OR8U3: variants seen among roughly 807,000 people sequenced by gnomAD.
The protein encoded by OR8U3 is olfactory receptor family 8 subfamily U member 3.
For missense variants in OR8U3, 429 were observed against 388.6 expected (o/e 1.10, Z -0.88); for synonymous variants, 170 against 147.0 (o/e 1.16, Z -1.13).
rs778998953 is a variant in OR8U3 at position 56,417,936 on chromosome 11, G to T, written c.297C>A (p.Thr99=). 5 of 1,613,806 alleles carry T rather than the reference G, an allele frequency of 3.1e-6. No homozygotes were observed. The highest frequency in any genetic ancestry group is 3.4e-6 in the Non-Finnish European group (4 of 1,179,840). Residue 99 remains threonine, a synonymous_variant, in exon 1 of 1, where the codon ACC becomes ACA. Transcript: ENST00000623286. ...RNTIPFHACA[T]QLGCFLTFMI... is the part of the protein sequence containing the mutation. ...TGAAGGTGAGAAAACAACCCAGTTGGGTTGCACAAGCATGGAAAGGAATGG... is the reference window on the plus strand; with the variant it reads ...TGAAGGTGAGAAAACAACCCAGTTGTGTTGCACAAGCATGGAAAGGAATGG...
Position 56,418,016 on chromosome 11 carries a change from A to G in OR8U3, c.217T>C (p.Tyr73His). 6.2e-7 allele frequency: 1 copy of G among 1,613,884 alleles called. No homozygotes were observed. Among genetic ancestry groups the G allele is most frequent in the East Asian group, 2.2e-5 (1 of 44,862 alleles). Residue 73 changes from tyrosine (Y) to histidine (H), a missense_variant, in exon 1 of 1, where the codon TAC becomes CAC. Physicochemically the swap from Tyr to His is moderately conservative, Grantham distance 83. Transcript: ENST00000623286. ...LSHLAFVDLC[Y>H]SSAITPKMMV... ...ATCTTCGGTGTAATAGCAGAGGAGT[A>G]ACAAAGGTCAACAAAGGCCAGGTGG...
At position 56,417,766 on chromosome 11, in the gene OR8U3, G is replaced by C. The variant is rs1352032997; in HGVS notation, c.467C>G (p.Ala156Gly). ...AVPYIYSFLVALFHTVITFRL... is the reference protein window; with the variant it reads ...AVPYIYSFLVGLFHTVITFRL... The stretch of plus-strand genomic sequence containing the variant: ...GAAAGTGATAACGGTGTGGAAGAGG[G>C]CAACCAGGAAGCTGTATATATATGG... The change falls in exon 1 of 1, where the codon GCC (alanine) becomes GGC (glycine). Residue 156 changes from alanine to glycine, a missense_variant. Ala to Gly is a moderately conservative substitution (Grantham distance 60). Transcript: ENST00000623286. 5.0e-6 allele frequency: 8 copies of C among 1,614,042 alleles called. No homozygotes were observed. The highest frequency in any genetic ancestry group is 5.9e-6 in the Non-Finnish European group (7 of 1,179,944).
At position 56,417,528 on chromosome 11, in the gene OR8U3, G is replaced by C. The variant is rs1023655574; in HGVS notation, c.705C>G (p.His235Gln). The change falls in exon 1 of 1, where the codon CAC (histidine) becomes CAG (glutamine). Residue 235 changes from histidine (H) to glutamine (Q), a missense_variant. By Grantham distance (24) the His-to-Gln change is conservative. Transcript: ENST00000623286. ...GGGAGCCACAGGTGGAAATGGCTTT[G>C]TGTTGCCCCTGAGTAGAGCGGATCC... ...ILRIRSTQGQHKAISTCGSHM... is the reference protein window; with the variant it reads ...ILRIRSTQGQQKAISTCGSHM... 1.9e-5 allele frequency: 30 copies of C among 1,613,878 alleles called. No individual in the cohort carries two copies. The highest frequency in any genetic ancestry group is 2.5e-5 in the Non-Finnish European group (30 of 1,179,938).
At position 56,417,413 on chromosome 11, in the gene OR8U3, C is replaced by G; in HGVS notation, c.820G>C (p.Ala274Pro). 1 of 1,613,224 alleles carries G rather than the reference C, an allele frequency of 6.2e-7. No homozygotes were observed. Among genetic ancestry groups the G allele is most frequent in the Non-Finnish European group, 8.5e-7 (1 of 1,179,236 alleles). The change falls in exon 1 of 1, where the codon GCT becomes CCT. Residue 274 changes from alanine to proline, a missense_variant. Coordinates refer to ENST00000623286, the MANE Select transcript of OR8U3 (RefSeq NM_001004744.1). ...ATCACCACTGTGTAAAATACAGAAG[C>G]CATCTTGTCTGTGTCCAAGGAGTGA... ...SNHSLDTDKM[A>P]SVFYTVVIPM... is the part of the protein sequence containing the mutation.
rs760411701 is a variant in OR8U3, at chr11:56,417,351, G to A, written c.882C>T (p.Asn294=). Residue 294 remains asparagine (N), a synonymous_variant, in exon 1 of 1, where the codon AAC becomes AAT. Coordinates refer to ENST00000623286, the MANE Select transcript of OR8U3 (RefSeq NM_001004744.1). ...MLNPLIYSLR[N]KEVKDASKKA... is the part of the protein sequence containing the mutation. ...TCTTTGAGGCATCTTTCACTTCTTT[G>A]TTCCTTAGACTATAGATTAGGGGGT... The A allele has an allele frequency of 1.9e-6, 3 of 1,609,672 alleles. No individual in the cohort carries two copies. The Admixed American group carries it at 5.0e-5, about 27-fold the overall frequency.
rs754796999 is a variant in OR8U3, at chr11:56,417,699, A to C, written c.534T>G (p.Tyr178Ter). Residue 178 changes from tyrosine (Y) to a stop codon, truncating the protein, a stop_gained, in exon 1 of 1, where the codon TAT (tyrosine) becomes TAG (stop). Transcript: ENST00000623286. LOFTEE classifies it low-confidence loss of function (END_TRUNC). ...YCGPNLINHF[Y>*]CDDLPFLALS... ...GAGCTAAGAAGGGGAGGTCATCACA[A>C]TAGAAATGGTTAATTAAGTTTGGGC... 3 of 1,613,776 alleles carry C rather than the reference A, an allele frequency of 1.9e-6. No homozygotes were observed. The highest frequency in any genetic ancestry group is 4.5e-5 in the East Asian group (2 of 44,892).
Position 56,417,411 on chromosome 11 carries a change from A to G in OR8U3, c.822T>C (p.Ala274=), listed in dbSNP as rs1257306927. The G allele has an allele frequency of 1.2e-6, 2 of 1,613,386 alleles. No individual in the cohort carries two copies. The highest frequency in any genetic ancestry group is 1.7e-5 in the Admixed American group (1 of 59,994). The change falls in exon 1 of 1, where the codon GCT becomes GCC. Residue 274 remains alanine (A), a synonymous_variant. Coordinates refer to ENST00000623286, the MANE Select transcript of OR8U3 (RefSeq NM_001004744.1). ...GGATCACCACTGTGTAAAATACAGA[A>G]GCCATCTTGTCTGTGTCCAAGGAGT... The part of the protein sequence containing the change: ...SNHSLDTDKM[A]SVFYTVVIPM...
In OR8U3 at chr11:56,418,110, G is replaced by A. The variant is rs568499294; in HGVS notation, c.123C>T (p.Gly41=). 1 of 1,613,856 alleles carries A rather than the reference G, an allele frequency of 6.2e-7. No individual in the cohort carries two copies. The highest frequency in any genetic ancestry group is 1.1e-5 in the South Asian group (1 of 91,068). Residue 41 remains glycine (G), a synonymous_variant, in exon 1 of 1, where the codon GGC becomes GGT. Coordinates refer to ENST00000623286, the MANE Select transcript of OR8U3 (RefSeq NM_001004744.1). ...FLVIYLVTVL[G]NLGLITLIKI... Reference sequence around the variant, plus strand: ...TGATTAAAGTAATCAACCCAAGATTGCCCAGCACTGTGACCAGATAGATAA... The same window carrying A: ...TGATTAAAGTAATCAACCCAAGATTACCCAGCACTGTGACCAGATAGATAA...
rs780520783 is a variant in OR8U3, at chr11:56,417,535, C to T, written c.698G>A (p.Gly233Glu). The T allele has an allele frequency of 1.2e-5, 19 of 1,613,868 alleles. No homozygotes were observed. The highest frequency in any genetic ancestry group is 3.3e-5 in the South Asian group (3 of 91,076). The change falls in exon 1 of 1, where the codon GGG becomes GAG. Residue 233 changes from glycine (G) to glutamate (E), a missense_variant. Gly to Glu is a moderately conservative substitution (Grantham distance 98). Coordinates refer to ENST00000623286, the MANE Select transcript of OR8U3 (RefSeq NM_001004744.1). ...ACAGGTGGAAATGGCTTTGTGTTGC[C>T]CCTGAGTAGAGCGGATCCTTAGGAT... Reference protein sequence around the residue: ...AAILRIRSTQGQHKAISTCGS... With the variant: ...AAILRIRSTQEQHKAISTCGS...
rs755330487 is a variant in OR8U3, at chr11:56,417,828, C to A, written c.405G>T (p.Leu135=). The change falls in exon 1 of 1, where the codon CTG becomes CTT. Residue 135 remains leucine (L), a synonymous_variant. Transcript: ENST00000623286. Reference sequence around the variant, plus strand: ...GTTGAATGCAGACTCTTCTTGACATCAGTGTTGAATAATGCAGGGGACTAC... The same window carrying A: ...GTTGAATGCAGACTCTTCTTGACATAAGTGTTGAATAATGCAGGGGACTAC... ...AICSPLHYST[L]MSRRVCIQLV... The A allele has an allele frequency of 6.2e-7, 1 of 1,613,774 alleles. No individual in the cohort carries two copies. Among genetic ancestry groups the A allele is most frequent in the Non-Finnish European group, 8.5e-7 (1 of 1,179,822 alleles).
chr11:56,417,316 T>C lies in OR8U3; in HGVS notation c.917A>G (p.Asp306Gly), dbSNP rs749170163. 12 of 1,577,500 alleles carry C rather than the reference T, an allele frequency of 7.6e-6. No homozygotes were observed. In the East Asian group the frequency reaches 2.7e-4, roughly 35 times the overall value. The change falls in exon 1 of 1, where the codon GAT becomes GGT. Residue 306 changes from aspartate to glycine, a missense_variant. Asp to Gly is a moderately conservative substitution (Grantham distance 94, BLOSUM62 -1). Coordinates refer to ENST00000623286, the MANE Select transcript of OR8U3 (RefSeq NM_001004744.1). ...TATCTGTAAGTTTTCACAACCTTTA[T>C]CCAAGGCTTTCTTTGAGGCATCTTT... ...EVKDASKKAL[D>G]KGCENLQILT...
Position 56,417,616 on chromosome 11 carries a change from T to C in OR8U3, c.617A>G (p.Asp206Gly). The part of the protein sequence containing the change: ...EILIFAFAGF[D>G]MISSSSIVLT... ...GACAATGGAAGAGGAAGAGATCATA[T>C]CAAAGCCAGCAAAGGCAAATATCAG... The change falls in exon 1 of 1, where the codon GAT (aspartate) becomes GGT (glycine). Residue 206 changes from aspartate (D) to glycine (G), a missense_variant. Physicochemically the swap from Asp to Gly is moderately conservative, Grantham distance 94. Coordinates refer to ENST00000623286, the MANE Select transcript of OR8U3 (RefSeq NM_001004744.1). 3 of 1,614,000 alleles carry C rather than the reference T, an allele frequency of 1.9e-6. No individual in the cohort carries two copies. Among genetic ancestry groups the C allele is most frequent in the Non-Finnish European group, 2.5e-6 (3 of 1,179,950 alleles).
rs79636066 is a variant in OR8U3, at chr11:56,418,171, G to A, written c.62C>T (p.Pro21Leu). The part of the protein sequence containing the change: ...VFILKGITNR[P>L]ELQAPCFGVF... Reference sequence around the variant, plus strand: ...CCCAAAGCACGGGGCCTGAAGCTCTGGCCGGTTGGTAATTCCTTTCAGAAT... The same window carrying A: ...CCCAAAGCACGGGGCCTGAAGCTCTAGCCGGTTGGTAATTCCTTTCAGAAT... Residue 21 changes from proline (P) to leucine (L), a missense_variant, in exon 1 of 1, where the codon CCA (proline) becomes CTA (leucine). Coordinates refer to ENST00000623286, the MANE Select transcript of OR8U3 (RefSeq NM_001004744.1). 1.8e-3 allele frequency: 2,968 copies of A among 1,612,842 alleles called. 47 individuals are homozygous for A. In the African/African-American group the frequency reaches 0.035, roughly 19 times the overall value.
rs1853170139 is a variant in OR8U3, at chr11:56,417,419, T to G, written c.814A>C (p.Lys272Gln). Reference protein sequence around the residue: ...PKSNHSLDTDKMASVFYTVVI... With the variant: ...PKSNHSLDTDQMASVFYTVVI... The stretch of plus-strand genomic sequence containing the variant: ...ACTGTGTAAAATACAGAAGCCATCT[T>G]GTCTGTGTCCAAGGAGTGATTTGAT... The change falls in exon 1 of 1, where the codon AAG becomes CAG. Residue 272 changes from lysine to glutamine, a missense_variant. Coordinates refer to ENST00000623286, the MANE Select transcript of OR8U3 (RefSeq NM_001004744.1). 1 of 1,613,500 alleles carries G rather than the reference T, an allele frequency of 6.2e-7. No homozygotes were observed. Among genetic ancestry groups the G allele is most frequent in the Non-Finnish European group, 8.5e-7 (1 of 1,179,440 alleles).
At position 56,417,810 on chromosome 11, in the gene OR8U3, G is replaced by T; in HGVS notation, c.423C>A (p.Cys141Ter). Residue 141 changes from cysteine to a stop codon, truncating the protein, a stop_gained, in exon 1 of 1, where the codon TGC becomes TGA. Coordinates refer to ENST00000623286, the MANE Select transcript of OR8U3 (RefSeq NM_001004744.1). LOFTEE classifies it low-confidence loss of function (END_TRUNC). ...HYSTLMSRRV[C>*]IQLVAVPYIY... Reference sequence around the variant, plus strand: ...TATATGGAACTGCCACCAGTTGAATGCAGACTCTTCTTGACATCAGTGTTG... The same window carrying T: ...TATATGGAACTGCCACCAGTTGAATTCAGACTCTTCTTGACATCAGTGTTG... 1.2e-6 allele frequency: 2 copies of T among 1,613,762 alleles called. No homozygotes were observed. The highest frequency in any genetic ancestry group is 1.7e-6 in the Non-Finnish European group (2 of 1,179,762).
Position 56,418,228 on chromosome 11 carries a change from G to C in OR8U3, c.5C>G (p.Ala2Gly). The C allele has an allele frequency of 6.4e-7, 1 of 1,574,774 alleles. No homozygotes were observed. The change falls in exon 1 of 1, where the codon GCT (alanine) becomes GGT (glycine). Residue 2 changes from alanine (A) to glycine (G), a missense_variant. Coordinates refer to ENST00000623286, the MANE Select transcript of OR8U3 (RefSeq NM_001004744.1). M[A>G]EVNIIYVTVF... ...AGTGACATAAATGATATTAACTTCA[G>C]CCATTTATCCTAACAGGTTTTGTAG...
In OR8U3 at chr11:56,417,507, G is replaced by C. The variant is rs145666169; in HGVS notation, c.726C>G (p.Gly242=). The C allele has an allele frequency of 7.4e-6, 12 of 1,614,034 alleles. No homozygotes were observed. In the African/African-American group the frequency reaches 1.6e-4, roughly 22 times the overall value. ...QGQHKAISTC[G]SHMVTVTIFY... ...AAATAGTGACAGTCACCATATGGGA[G>C]CCACAGGTGGAAATGGCTTTGTGTT... The change falls in exon 1 of 1, where the codon GGC becomes GGG. Residue 242 remains glycine (G), a synonymous_variant. Coordinates refer to ENST00000623286, the MANE Select transcript of OR8U3 (RefSeq NM_001004744.1).
rs1212321836 is a variant in OR8U3, at chr11:56,417,369, T to G, written c.864A>C (p.Leu288=). ...CTTCTTTGTTCCTTAGACTATAGAT[T>G]AGGGGGTTTAACATGGGGATCACCA... is the stretch of plus-strand genomic sequence containing the variant. The part of the protein sequence containing the change: ...YTVVIPMLNP[L]IYSLRNKEVK... The change falls in exon 1 of 1, where the codon CTA becomes CTC. Residue 288 remains leucine, a synonymous_variant. Transcript: ENST00000623286. 6 of 1,612,440 alleles carry G rather than the reference T, an allele frequency of 3.7e-6. No homozygotes were observed. The East Asian group carries it at 1.3e-4, about 36-fold the overall frequency.
rs117073889 is a variant in OR8U3 at position 56,417,548 on chromosome 11, G to A, written c.685C>T (p.Arg229Cys). Residue 229 changes from arginine to cysteine, a missense_variant, in exon 1 of 1, where the codon CGC (arginine) becomes TGC (cysteine). Arg to Cys is a radical substitution (Grantham distance 180). Transcript: ENST00000623286. ...IFIIAAILRI[R>C]STQGQHKAIS... ...GCTTTGTGTTGCCCCTGAGTAGAGC[G>A]GATCCTTAGGATAGCGGCAATAATA... 693 of 1,613,740 alleles carry A rather than the reference G, an allele frequency of 4.3e-4. 1 individual carries two copies. Among genetic ancestry groups the A allele is most frequent in the Admixed American group, 7.7e-4 (46 of 59,974 alleles).
Sources: allele counts gnomAD v4.1 joint callset, GRCh38; gene constraint gnomAD v4.1.1; transcripts MANE v1.5; gene names NCBI Gene and HGNC (gene_info 2026-07-23, HGNC 2026-07-21).